The following ABCG1 variants were observed in gnomAD, a reference collection of about 807,000 sequenced individuals.
ABCG1 encodes the protein ATP-binding cassette sub-family G member 1.
Under a neutral mutation model 69.2 loss-of-function variants are expected in ABCG1, and 29 were observed. The ratio of observed to expected loss-of-function variants is 0.42; its 90% CI spans 0.31 to 0.57. The LOEUF (loss-of-function observed/expected upper bound fraction) is 0.57. Ranked by LOEUF, ABCG1 falls within the 20% of genes least tolerant of loss-of-function variation. ABCG1 has a pLI of 0.15. For synonymous variants in ABCG1, 370 were observed against 374.8 expected, an observed-to-expected ratio of 0.99 and a Z score of 0.15; for missense variants, 718 against 898.1, an observed-to-expected ratio of 0.80 and a Z score of 2.56.
chr21:42,272,993 C>A (rs2068643014), intron 3 of ABCG1, among the ~76,000 whole-genome samples: 1 of 152,232 alleles, frequency 6.6e-6, no homozygotes, highest in East Asian at 1.9e-4. Flanking sequence ...AGGACCATCC[C>A]TGCCAATCTT....
intron 2 of ABCG1, chr21:42,256,321 T>C (rs1264143773): frequency 1.3e-6 from 2 of 1,549,138 alleles, no homozygotes; most frequent in Admixed American, 3.9e-5. Flanking sequence ...CTACAGAGGG[T>C]GGGCCCTCTC....
Position 42,273,446 on chromosome 21 carries a change from C to A in ABCG1, c.537+11C>A. 2 of 1,610,876 alleles carry A rather than the reference C, an allele frequency of 1.2e-6. No homozygotes were observed. Among genetic ancestry groups the A allele is most frequent in the Non-Finnish European group, 8.5e-7 (1 of 1,178,228 alleles). On this transcript the variant is annotated intron_variant, in intron 4 of 14. Coordinates refer to ENST00000398449, the MANE Select transcript of ABCG1 (RefSeq NM_016818.3). This position sits in a 1 kb window ranked among gnomAD's most constrained non-coding sequence, Gnocchi z 5.3. Reference sequence around the variant, plus strand: ...CAGGAGGCCATGATGGTGAGCTCCGCCCTGCCCCGCCCCACTCCGCCCCTG... The same window carrying A: ...CAGGAGGCCATGATGGTGAGCTCCGACCTGCCCCGCCCCACTCCGCCCCTG...
rs138750245 is a variant in ABCG1, at chr21:42,260,700, A to G, written c.287-10370A>G. On this transcript the variant is annotated intron_variant, in intron 2 of 14. Coordinates refer to ENST00000398449, the MANE Select transcript of ABCG1 (RefSeq NM_016818.3). ...GAGAGGAAAATATCCCTTAGCAGGA[A>G]GGAAGGAAAATAGAGGCATCCCAGA... is the stretch of plus-strand genomic sequence containing the variant. Among the ~76,000 whole-genome samples the G allele has an allele frequency of 4.3e-3, 651 of 152,288 alleles. 5 individuals are homozygous for G. The highest frequency in any genetic ancestry group is 0.015 in the African/African-American group (628 of 41,562).
intron 6 of ABCG1, among the ~76,000 whole-genome samples, chr21:42,282,951 T>A (rs931340962): frequency 1.2e-4 from 18 of 152,122 alleles, no homozygotes; most frequent in Non-Finnish European, 2.2e-4. Context: ...TCTGACCCCT[T>A]TCCTGGGTGA....
rs568409159 is a variant in ABCG1 at position 42,291,257 on chromosome 21, G to A, written c.1494+65G>A. Reference sequence around the variant, plus strand: ...AGTTCTCCTGTACACCCTTTATATCGAGTAAGAGGACCTGCCAGGGATGCA... The same window carrying A: ...AGTTCTCCTGTACACCCTTTATATCAAGTAAGAGGACCTGCCAGGGATGCA... On this transcript the variant is annotated intron_variant, in intron 12 of 14. Transcript: ENST00000398449. The surrounding 1 kb of genome is among the most constrained non-coding windows in gnomAD (Gnocchi z 6.4). The A allele has an allele frequency of 3.8e-5, 52 of 1,356,880 alleles. No homozygotes were observed. The highest frequency in any genetic ancestry group is 2.5e-4 in the South Asian group (21 of 83,088). The allele number at this position is 1,356,880 out of a possible 1,614,324, so 84.1% of individuals were successfully genotyped here.
In ABCG1 at chr21:42,242,405, C is replaced by CG. The variant is rs573729409; in HGVS notation, c.286+16495dup. Among the ~76,000 whole-genome samples, 12 of 152,200 alleles carry CG rather than the reference C, an allele frequency of 7.9e-5. No homozygotes were observed. The South Asian group carries it at 2.5e-3, about 32-fold the overall frequency. On this transcript the variant is annotated intron_variant, in intron 2 of 14. Coordinates refer to ENST00000398449, the MANE Select transcript of ABCG1 (RefSeq NM_016818.3). ...AGTCCCAGCTACTGAGGAGGCTGAG[C>CG]GGGGAGGGTTGCTTGAGGCTAGGAG...
At chr21:42,244,433 A>T (rs572590346) in intron 2 of ABCG1, among the ~76,000 whole-genome samples, 1 of 152,352 alleles carries the variant, frequency 6.6e-6, no homozygotes, top group South Asian at 2.1e-4. Flanking sequence ...ACCAGATTAG[A>T]AACACAGTTA....
chr21:42,257,256 C>A (rs1165132577), intron 2 of ABCG1, among the ~76,000 whole-genome samples: 1 of 152,198 alleles, frequency 6.6e-6, no homozygotes, highest in Admixed American at 6.5e-5. Context: ...CCTTCAGAAG[C>A]GTTTCTCAAA....
upstream of ABCG1, among the ~76,000 whole-genome samples, chr21:42,217,977 CTT>C (rs1366561597): frequency 6.6e-6 from 1 of 152,092 alleles, no homozygotes; most frequent in Non-Finnish European, 1.5e-5. Context: ...CTGGATGACT[CTT>C]GAGACAACAC....
In ABCG1 at chr21:42,271,197, C is replaced by T. The variant is rs775207664; in HGVS notation, c.404+10C>T. On this transcript the variant is annotated intron_variant, in intron 3 of 14. Coordinates refer to ENST00000398449, the MANE Select transcript of ABCG1 (RefSeq NM_016818.3). ...TCCTGGCTGGATACAGGTGAGCAGC[C>T]CTGCCCAGGGCGCAAAGTTCTCTCC... 6.6e-7 allele frequency: 1 copy of T among 1,515,908 alleles called. No homozygotes were observed. Among genetic ancestry groups the T allele is most frequent in the South Asian group, 1.3e-5 (1 of 76,198 alleles). 93.9% of individuals were successfully genotyped at this position (1,515,908 alleles called of 1,614,324 possible). A position where few individuals can be genotyped will look rare whatever the true frequency, so the allele number is the denominator to read the frequency against.
chr21:42,267,507 T>A lies in ABCG1; in HGVS notation c.287-3563T>A, dbSNP rs183676279. ...TGATCTGGGTTCTGTCTGGGTGTGG[T>A]CTGAGTTCTGTCTGGGTCTGGTCTG... On this transcript the variant is annotated intron_variant, in intron 2 of 14. Coordinates refer to ENST00000398449, the MANE Select transcript of ABCG1 (RefSeq NM_016818.3). 2.6e-3 allele frequency among the ~76,000 whole-genome samples: 394 copies of A among 150,716 alleles called. 3 individuals carry two copies. Among genetic ancestry groups the A allele is most frequent in the African/African-American group, 9.3e-3 (377 of 40,586 alleles).
chr21:42,221,580 C>T lies in ABCG1; in HGVS notation c.42+2276C>T, dbSNP rs1050327962. Among the ~76,000 whole-genome samples, 133 of 152,314 alleles carry T rather than the reference C, an allele frequency of 8.7e-4. 2 individuals carry two copies. The highest frequency in any genetic ancestry group is 1.9e-4 in the East Asian group (1 of 5,188). On this transcript the variant is annotated intron_variant, in intron 1 of 14. Coordinates refer to ENST00000398449, the MANE Select transcript of ABCG1 (RefSeq NM_016818.3). ...GGGATTCCAAGTGACCCCTCAAGTG[C>T]GGTCTGGTCTCTGGCTCAGTTCAGG...
Position 42,245,826 on chromosome 21 carries a change from C to T in ABCG1, c.286+19912C>T, listed in dbSNP as rs866549516. Among the ~76,000 whole-genome samples, 4 of 151,424 alleles carry T rather than the reference C, an allele frequency of 2.6e-5. No individual in the cohort carries two copies. The South Asian group carries it at 8.3e-4, about 32-fold the overall frequency. ...CTCCGATGAGGAGGGGATGGGGCACCAGGCAGCAGACTCTGATGAGGAGGG... is the reference window on the plus strand; with the variant it reads ...CTCCGATGAGGAGGGGATGGGGCACTAGGCAGCAGACTCTGATGAGGAGGG... On this transcript the variant is annotated intron_variant, in intron 2 of 14. Transcript: ENST00000398449.
chr21:42,202,009 G>A (rs139502871), intron 2 of ABCG1, among the ~76,000 whole-genome samples: 1 of 152,292 alleles, frequency 6.6e-6, no homozygotes, highest in Non-Finnish European at 1.5e-5. Context: ...TAATGCTGTG[G>A]TTCTCCTGGT....
intron 2 of ABCG1, among the ~76,000 whole-genome samples, chr21:42,233,454 C>T (rs913913990): frequency 2.6e-5 from 4 of 152,168 alleles, no homozygotes; most frequent in Non-Finnish European, 4.4e-5. Flanking sequence ...CCCAGGCAGC[C>T]GGGCTATGTT....
Position 42,276,569 on chromosome 21 carries a change from C to G in ABCG1, c.538-326C>G, listed in dbSNP as rs2068714205. ...CAGGGGCATCGGAAGCCAAGAACTC[C>G]TTGGGTTTTCCATGATGATCAGCTA... On this transcript the variant is annotated intron_variant, in intron 4 of 14. Transcript: ENST00000398449. The surrounding 1 kb of genome is among the most constrained non-coding windows in gnomAD (Gnocchi z 5.3). 5.8e-6 allele frequency: 2 copies of G among 342,088 alleles called. No individual in the cohort carries two copies. The highest frequency in any genetic ancestry group is 9.2e-5 in the South Asian group (2 of 21,814). The allele number at this position is 342,088 out of a possible 1,614,324, so 21.2% of individuals were successfully genotyped here. A position where few individuals can be genotyped will look rare whatever the true frequency, so the allele number is the denominator to read the frequency against.
At chr21:42,217,155 C>T (rs373789209), upstream of ABCG1, among the ~76,000 whole-genome samples, 14 of 152,254 alleles carry the variant, frequency 9.2e-5, no homozygotes, top group East Asian at 5.8e-4. Flanking sequence ...GGCCATCCAC[C>T]GGCTGAAGCC....
chr21:42,267,343 CT>C (rs1268214340), intron 2 of ABCG1, among the ~76,000 whole-genome samples: 1 of 152,000 alleles, frequency 6.6e-6, no homozygotes, highest in East Asian at 1.9e-4. Context: ...TGGGTGTGGT[CT>C]GGGTTCTGTC....
At chr21:42,215,685 G>T (rs139827344), upstream of ABCG1, among the ~76,000 whole-genome samples, 1 of 152,196 alleles carries the variant, frequency 6.6e-6, no homozygotes, top group East Asian at 1.9e-4. Context: ...ACAAAAGGGC[G>T]TCTTCTAGGA....
Sources: gnomAD v4.1 joint callset for allele counts (sites outside exome capture counted in the v4.1 genomes callset) on GRCh38, gnomAD v4.1.1 for gene constraint, Gnocchi (gnomAD v3.1) non-coding constraint, MANE v1.5 for transcripts, NCBI Gene and HGNC (gene_info 2026-07-23, HGNC 2026-07-21) for gene names.